PARD3: variants seen among roughly 807,000 people sequenced by gnomAD.
PARD3 encodes the protein par-3 family cell polarity regulator, also known as partitioning defective 3 homolog.
PARD3 carries 75 observed loss-of-function variants against 155.4 expected under a neutral mutation model. The observed-to-expected ratio is 0.48, with a 90% confidence interval of 0.40 to 0.58. PARD3 has a LOEUF of 0.58. PARD3 is among the 20% of genes least tolerant of loss of function. The probability of loss-of-function intolerance (pLI) is 0.00; values close to 1 mark genes in which losing one functional copy is unlikely to be tolerated. For synonymous variants in PARD3, 576 were observed against 610.5 expected (o/e 0.94, Z 0.83); for missense variants, 1,642 against 1,721.7 (o/e 0.95, Z 0.82).
chr10:34,542,031 G>A (rs2083643729), intron 2 of PARD3, among the ~76,000 whole-genome samples: 1 of 151,996 alleles, frequency 6.6e-6, no homozygotes, highest in Admixed American at 6.6e-5. Flanking sequence ...AAGCAACACC[G>A]CCCCTGGCCT....
At chr10:34,246,092 C>CG (rs1324940755) in intron 22 of PARD3, among the ~76,000 whole-genome samples, 8 of 152,162 alleles carry the variant, frequency 5.3e-5, no homozygotes, top group African/African-American at 1.9e-4. Context: ...GACACATTTT[C>CG]CTGATGGCCT....
intron 1 of PARD3, among the ~76,000 whole-genome samples, chr10:34,697,941 T>C (rs751029905): frequency 6.6e-6 from 1 of 151,824 alleles, no homozygotes; most frequent in Non-Finnish European, 1.5e-5. Flanking sequence ...AAGAATGAAG[T>C]CCCAAAACCA....
chr10:34,776,219 A>G (rs959414616), intron 1 of PARD3, among the ~76,000 whole-genome samples: 1 of 152,246 alleles, frequency 6.6e-6, no homozygotes, highest in Non-Finnish European at 1.5e-5. Flanking sequence ...GGAACTAGTA[A>G]CAAGAAGACA....
At chr10:34,313,607 T>C (rs1957821808) in intron 20 of PARD3, among the ~76,000 whole-genome samples, 1 of 152,232 alleles carries the variant, frequency 6.6e-6, no homozygotes, top group Non-Finnish European at 1.5e-5. Flanking sequence ...GCTGTCTGTA[T>C]ATGCCAATGA....
intron 1 of PARD3, among the ~76,000 whole-genome samples, chr10:34,810,333 T>C (rs1194133642): frequency 2.0e-5 from 3 of 152,190 alleles, no homozygotes; most frequent in African/African-American, 4.8e-5. Flanking sequence ...ATCTTCAACC[T>C]ATCTCATTAT....
chr10:34,419,500 G>A (rs1372702029), intron 5 of PARD3, among the ~76,000 whole-genome samples: 2 of 151,978 alleles, frequency 1.3e-5, no homozygotes, highest in African/African-American at 4.8e-5. Flanking sequence ...CTAGGTGACA[G>A]AGCAAGACTC....
chr10:34,583,507 G>C (rs571673783), intron 2 of PARD3, among the ~76,000 whole-genome samples: 1 of 152,110 alleles, frequency 6.6e-6, no homozygotes, highest in South Asian at 2.1e-4. Flanking sequence ...CACTTCAAGT[G>C]TCACTTTTAT....
chr10:34,691,944 T>C (rs1281734135), intron 2 of PARD3, among the ~76,000 whole-genome samples: 2 of 152,190 alleles, frequency 1.3e-5, no homozygotes, highest in East Asian at 3.9e-4. Context: ...TAAAAATCAA[T>C]TCAAAGGGCT....
chr10:34,114,479 G>T (rs1354728416), intron 24 of PARD3, among the ~76,000 whole-genome samples: 1 of 151,980 alleles, frequency 6.6e-6, no homozygotes, highest in Non-Finnish European at 1.5e-5. Context: ...AGGTAGCTGG[G>T]ATTACAGGAA....
intron 2 of PARD3, among the ~76,000 whole-genome samples, chr10:34,580,861 T>C (rs6481903): frequency 0.53 from 80,160 of 152,102 alleles, 24,516 homozygotes; most frequent in African/African-American, 0.86. Flanking sequence ...CACAAGGAAA[T>C]GTGTACTATT....
intron 4 of PARD3, among the ~76,000 whole-genome samples, chr10:34,460,502 C>T (rs2077574937): frequency 6.6e-6 from 1 of 152,122 alleles, no homozygotes; most frequent in South Asian, 2.1e-4. Flanking sequence ...ATTAGGTGAG[C>T]TATTTAAACT....
chr10:34,682,291 C>T (rs947505188), intron 2 of PARD3, among the ~76,000 whole-genome samples: 5 of 146,244 alleles, frequency 3.4e-5, no homozygotes, highest in African/African-American at 1.4e-4. Flanking sequence ...TGGTAGTGCA[C>T]GCCTGTAATC....
intron 24 of PARD3, among the ~76,000 whole-genome samples, chr10:34,119,165 T>C (rs922117091): frequency 5.9e-5 from 9 of 152,186 alleles, no homozygotes; most frequent in African/African-American, 2.2e-4. Context: ...TTTGGGACCA[T>C]GGATCCCACA....
At chr10:34,656,363 T>G (rs1237820197) in intron 2 of PARD3, among the ~76,000 whole-genome samples, 2 of 152,222 alleles carry the variant, frequency 1.3e-5, no homozygotes, top group African/African-American at 4.8e-5. Context: ...ACTAAAGATG[T>G]AATTATAGAT....
intron 1 of PARD3, among the ~76,000 whole-genome samples, chr10:34,810,763 C>G: frequency 6.6e-6 from 1 of 152,194 alleles, no homozygotes; most frequent in Non-Finnish European, 1.5e-5. Flanking sequence ...CTTTACGGAG[C>G]AGCTAGTATG....
intron 2 of PARD3, among the ~76,000 whole-genome samples, chr10:34,695,783 A>C (rs1806743950): frequency 6.6e-6 from 1 of 151,724 alleles, no homozygotes; most frequent in Non-Finnish European, 1.5e-5. Flanking sequence ...GCTGCCCGGG[A>C]CACAAATGGC....
At chr10:34,156,908 CT>C (rs1949034345) in intron 22 of PARD3, among the ~76,000 whole-genome samples, 2 of 152,170 alleles carry the variant, frequency 1.3e-5, no homozygotes, top group East Asian at 3.8e-4. Flanking sequence ...GCTCATCCCA[CT>C]CAATTTATTC....
intron 2 of PARD3, among the ~76,000 whole-genome samples, chr10:34,520,628 T>C (rs551910924): frequency 6.6e-6 from 1 of 152,274 alleles, no homozygotes; most frequent in South Asian, 2.1e-4. Flanking sequence ...GCCCATACCG[T>C]CTCTTTCATA....
chr10:34,309,354 T>G (rs61840258), intron 20 of PARD3, among the ~76,000 whole-genome samples: 11,225 of 151,646 alleles, frequency 0.074, 568 homozygotes, highest in Non-Finnish European at 0.1. Flanking sequence ...AGGCCAGAAG[T>G]TTGAGACCAA....
Sources: gnomAD v4.1 joint callset for allele counts (sites outside exome capture counted in the v4.1 genomes callset) on GRCh38, gnomAD v4.1.1 for gene constraint, MANE v1.5 for transcripts, NCBI Gene and HGNC (gene_info 2026-07-23, HGNC 2026-07-21) for gene names.